Variants in MEP1A observed in about 807,000 individuals in gnomAD.
The protein encoded by MEP1A is meprin A subunit alpha, also known as N-benzoyl-L-tyrosyl-P-amino-benzoic acid hydrolase subunit alpha.
A neutral mutation model predicts 84.5 loss-of-function variants in MEP1A; 68 were observed. That is an observed-to-expected ratio of 0.80 (90% confidence interval 0.66 to 0.98). The LOEUF (loss-of-function observed/expected upper bound fraction) is 0.98, where lower values mean the gene tolerates loss of function less well. Ranked by LOEUF, MEP1A falls within the 50% of genes least tolerant of loss-of-function variation. The pLI is 0.00. For synonymous variants in MEP1A, 337 were observed against 336.8 expected (o/e 1.00, Z -0.01); for missense variants, 887 against 919.9 (o/e 0.96, Z 0.46).
rs115505960 is a variant in MEP1A, at chr6:46,800,206, T to G, written c.262+1025T>G. On this transcript the variant is annotated intron_variant, in intron 5 of 13. Transcript: ENST00000230588. ...AAAGGGGTTCTTTCCCATTACAATT[T>G]GTTTTATCCTGGTTGTCACATCTGC... is the stretch of plus-strand genomic sequence containing the variant. 1.4e-3 allele frequency among the ~76,000 whole-genome samples: 215 copies of G among 152,340 alleles called. 1 individual carries two copies. Among genetic ancestry groups the G allele is most frequent in the African/African-American group, 5.0e-3 (209 of 41,578 alleles).
Position 46,833,376 on chromosome 6 carries a change from AG to A in MEP1A, c.1448del (p.Arg483AsnfsTer19). The A allele has an allele frequency of 6.2e-7, 1 of 1,614,202 alleles. No individual in the cohort carries two copies. Among genetic ancestry groups the A allele is most frequent in the Non-Finnish European group, 8.5e-7 (1 of 1,180,016 alleles). On this transcript the variant is annotated frameshift_variant, in exon 11 of 14. Coordinates refer to ENST00000230588, the MANE Select transcript of MEP1A (RefSeq NM_005588.3). LOFTEE classifies it high-confidence loss of function. ...PNSRESSGYL[R>X]LAFHVCSGEN... ...TAGCAGAGAAAGCTCTGGTTACTTGAGACTTGCTTTTCATGTGTGCAGTGGG... is the reference window on the plus strand; with the variant it reads ...TAGCAGAGAAAGCTCTGGTTACTTGAACTTGCTTTTCATGTGTGCAGTGGG...
chr6:46,815,725 C>G (rs1009427344), intron 6 of MEP1A, among the ~76,000 whole-genome samples: 5 of 152,114 alleles, frequency 3.3e-5, no homozygotes, highest in African/African-American at 1.2e-4. Flanking sequence ...CCTCTCATCC[C>G]CCATCTTAAT....
intron 10 of MEP1A, 108 bp from the exon 11 acceptor site, chr6:46,832,966 G>A (rs1017436090): frequency 7.5e-5 from 49 of 655,250 alleles, no homozygotes; most frequent in Non-Finnish European, 1.2e-4. Flanking sequence ...CTGTTGTGAG[G>A]ATTTAATGAG....
intron 6 of MEP1A, among the ~76,000 whole-genome samples, chr6:46,818,849 G>A (rs1291005310): frequency 6.6e-6 from 1 of 152,174 alleles, no homozygotes. Flanking sequence ...AAAAGGGCTA[G>A]GTGCGATGGC....
At chr6:46,824,261 C>T (rs7741899) in intron 7 of MEP1A, among the ~76,000 whole-genome samples, 42,480 of 151,718 alleles carry the variant, frequency 0.28, 6,296 homozygotes, top group African/African-American at 0.36. Context: ...CTTACACACA[C>T]GTACACACAC....
chr6:46,834,970 C>T (rs1247538244), intron 12 of MEP1A, among the ~76,000 whole-genome samples: 1 of 152,196 alleles, frequency 6.6e-6, no homozygotes, highest in Non-Finnish European at 1.5e-5. Flanking sequence ...ATAATTTTAT[C>T]AGAGGTAACC....
rs1768115805 is a variant in MEP1A at position 46,833,190 on chromosome 6, C to T, written c.1261C>T (p.Leu421=). The change falls in exon 11 of 14, where the codon CTA becomes TTA. Residue 421 remains leucine, a synonymous_variant. Coordinates refer to ENST00000230588, the MANE Select transcript of MEP1A (RefSeq NM_005588.3). The part of the protein sequence containing the change: ...DPQNSTGGIY[L]DDITLTETPC... ...TCAGAACTCAACTGGGGGAATTTAC[C>T]TAGATGACATCACTCTGACAGAAAC... The T allele has an allele frequency of 3.7e-6, 6 of 1,610,946 alleles. No homozygotes were observed. The highest frequency in any genetic ancestry group is 3.4e-6 in the Non-Finnish European group (4 of 1,178,680).
intron 9 of MEP1A, among the ~76,000 whole-genome samples, chr6:46,829,039 G>T (rs1294339590): frequency 6.6e-6 from 1 of 152,100 alleles, no homozygotes; most frequent in Non-Finnish European, 1.5e-5. Flanking sequence ...GAGAAAAATA[G>T]AATTCATCTC....
At chr6:46,797,480 G>C (rs1767069803) in intron 3 of MEP1A, among the ~76,000 whole-genome samples, 1 of 152,238 alleles carries the variant, frequency 6.6e-6, no homozygotes, top group South Asian at 2.1e-4. Context: ...CCTGAGAACA[G>C]ATGTTTGGAG....
chr6:46,831,759 T>C (rs1217586821), intron 10 of MEP1A, among the ~76,000 whole-genome samples: 1 of 152,248 alleles, frequency 6.6e-6, no homozygotes, highest in Non-Finnish European at 1.5e-5. Context: ...GTTCAAATCC[T>C]ATATCTCTGT....
In MEP1A at chr6:46,829,511, G is replaced by A; in HGVS notation, c.1084G>A (p.Val362Ile). ...GSPSDRLVVW[V>I]RRDDSTGNVR... ...TCCTTCAGACAGACTCGTTGTCTGG[G>A]TCAGGAGGGATGACAGCACAGGCAA... is the stretch of plus-strand genomic sequence containing the variant. Residue 362 changes from valine to isoleucine, a missense_variant, in exon 10 of 14, where the codon GTC becomes ATC. By Grantham distance (29) the Val-to-Ile change is conservative. Transcript: ENST00000230588. The A allele has an allele frequency of 6.2e-7, 1 of 1,614,170 alleles. No individual in the cohort carries two copies. The highest frequency in any genetic ancestry group is 8.5e-7 in the Non-Finnish European group (1 of 1,180,008).
chr6:46,834,245 G>A (rs1423920558), intron 11 of MEP1A, among the ~76,000 whole-genome samples: 4 of 150,674 alleles, frequency 2.7e-5, no homozygotes, highest in African/African-American at 9.8e-5. Context: ...TTTTTCAAAA[G>A]AGAAGACTTA....
intron 8 of MEP1A, among the ~76,000 whole-genome samples, chr6:46,825,855 T>C (rs1767930698): frequency 6.6e-6 from 1 of 152,166 alleles, no homozygotes; most frequent in African/African-American, 2.4e-5. Context: ...TTTTGGAGGG[T>C]GCATTATTAC....
At position 46,833,308 on chromosome 6, in the gene MEP1A, A is replaced by G. The variant is rs1427156609; in HGVS notation, c.1379A>G (p.Tyr460Cys). 3.1e-6 allele frequency: 5 copies of G among 1,614,198 alleles called. No individual in the cohort carries two copies. Among genetic ancestry groups the G allele is most frequent in the African/African-American group, 1.3e-5 (1 of 75,062 alleles). The change falls in exon 11 of 14, where the codon TAC becomes TGC. Residue 460 changes from tyrosine to cysteine, a missense_variant. By Grantham distance (194) the Tyr-to-Cys change is radical. Transcript: ENST00000230588. ...KGDKLQSPRF[Y>C]NSEGYGFGVT... ...GACAAGCTTCAGAGCCCTCGATTCT[A>G]CAATTCGGAGGGATATGGTTTTGGG... is the stretch of plus-strand genomic sequence containing the variant.
At chr6:46,798,042 A>G (rs1767105713) in intron 3 of MEP1A, among the ~76,000 whole-genome samples, 1 of 151,018 alleles carries the variant, frequency 6.6e-6, no homozygotes, top group Non-Finnish European at 1.5e-5. Context: ...ATCTTGGCTC[A>G]CTGTAACCTC....
chr6:46,813,313 T>C (rs750226743), intron 6 of MEP1A, among the ~76,000 whole-genome samples: 4 of 152,104 alleles, frequency 2.6e-5, no homozygotes, highest in Admixed American at 6.6e-5. Flanking sequence ...GACGGAAATA[T>C]AAAAATTATT....
chr6:46,819,585 G>T lies in MEP1A; in HGVS notation c.437G>T (p.Gly146Val), dbSNP rs1447935090. ...HVGQNISIGQ[G>V]CAYKAIIEHE... ...GGACAGAACATTTCCATTGGCCAAG[G>T]ATGTGCCTATAAGGCCATCATAGAA... The change falls in exon 7 of 14, where the codon GGA becomes GTA. Residue 146 changes from glycine to valine, a missense_variant. Coordinates refer to ENST00000230588, the MANE Select transcript of MEP1A (RefSeq NM_005588.3). The T allele has an allele frequency of 6.2e-7, 1 of 1,614,066 alleles. No individual in the cohort carries two copies. Among genetic ancestry groups the T allele is most frequent in the South Asian group, 1.1e-5 (1 of 91,080 alleles).
chr6:46,838,393 T>C (rs1336049859), intron 13 of MEP1A, among the ~76,000 whole-genome samples: 1 of 152,254 alleles, frequency 6.6e-6, no homozygotes, highest in African/African-American at 2.4e-5. Flanking sequence ...CTGGCCATTA[T>C]GTGCTTACTC....
chr6:46,824,679 T>C (rs1444672445), intron 7 of MEP1A, among the ~76,000 whole-genome samples: 1 of 131,222 alleles, frequency 7.6e-6, no homozygotes, highest in Non-Finnish European at 1.5e-5. Flanking sequence ...AATAGATGTA[T>C]TTAAATATAT....
Sources: gnomAD v4.1 joint callset for allele counts (sites outside exome capture counted in the v4.1 genomes callset) on GRCh38, gnomAD v4.1.1 for gene constraint, MANE v1.5 for transcripts, NCBI Gene and HGNC (gene_info 2026-07-23, HGNC 2026-07-21) for gene names.